BCAS3: variants seen among roughly 807,000 people sequenced by gnomAD.
BCAS3 encodes the protein BCAS4/BCAS3 fusion.
Under a neutral mutation model 116.1 loss-of-function variants are expected in BCAS3, and 53 were observed. That is an observed-to-expected ratio of 0.46 (90% CI 0.37 to 0.57). The LOEUF (loss-of-function observed/expected upper bound fraction) is 0.57. Among genes scored for constraint, BCAS3 ranks in the 20% least tolerant of loss-of-function variants. The pLI is 0.00. For synonymous variants in BCAS3, 391 were observed against 408.2 expected, an observed-to-expected ratio of 0.96 and a Z score of 0.51; for missense variants, 917 against 1,165.4, an observed-to-expected ratio of 0.79 and a Z score of 3.10.
At chr17:60,754,724 CACACACACACACACACAG>C (rs1373396732) in intron 6 of BCAS3, among the ~76,000 whole-genome samples, 1 of 11,520 alleles carries the variant, frequency 8.7e-5, no homozygotes, top group African/African-American at 9.9e-5. Context: ...CACACACACA[CACACACACACACACACAG>C]AGTCTGTTCA....
At position 61,285,259 on chromosome 17, in the gene BCAS3, T is replaced by TGTGTGTGTGTGTGTGTGTGTGTG. The variant is rs1555807771; in HGVS notation, c.2426-83068_2426-83067insGTGTGTGTGTGTGTGTGTGTGTG. 3.9e-5 allele frequency among the ~76,000 whole-genome samples: 5 copies of TGTGTGTGTGTGTGTGTGTGTGTG among 129,000 alleles called. No individual in the cohort carries two copies. Among genetic ancestry groups the TGTGTGTGTGTGTGTGTGTGTGTG allele is most frequent in the African/African-American group, 1.7e-4 (5 of 28,780 alleles). 84.6% of individuals were successfully genotyped at this position (129,000 alleles called of 152,430 possible). A position where few individuals can be genotyped will look rare whatever the true frequency, so the allele number is the denominator to read the frequency against. ...TGTGTGTGTGTGTGTGTGTGTGTGT[T>TGTGTGTGTGTGTGTGTGTGTGTG]TCTTGCTAAAATGCAGCAAAGGAAG... On this transcript the variant is annotated intron_variant, in intron 22 of 23. Coordinates refer to ENST00000407086, the MANE Select transcript of BCAS3 (RefSeq NM_017679.5). This position sits in a 1 kb window ranked among gnomAD's most constrained non-coding sequence, Gnocchi z 5.4.
rs368207698 is a variant in BCAS3 at position 61,380,541 on chromosome 17, C to G, written c.2594-11436C>G. ...TGACGTAGCAGTAAAAACCTTCCCC[C>G]CTGAGAGACACGTGGCAGTGAAGTG... On this transcript the variant is annotated intron_variant, in intron 23 of 23. Coordinates refer to ENST00000407086, the MANE Select transcript of BCAS3 (RefSeq NM_017679.5). The surrounding 1 kb of genome is among the most constrained non-coding windows in gnomAD (Gnocchi z 4.2). 17 of 1,598,282 alleles carry G rather than the reference C, an allele frequency of 1.1e-5. No individual in the cohort carries two copies. The South Asian group carries it at 1.2e-4, about 11-fold the overall frequency.
chr17:61,284,091 G>A lies in BCAS3; in HGVS notation c.2426-84236G>A, dbSNP rs147614547. ...AAGGATTGTAAATGCACCAATCAGC[G>A]TTCTGTGTCTAGCTAAAGGTTTGTA... On this transcript the variant is annotated intron_variant, in intron 22 of 23. Transcript: ENST00000407086. 5.6e-3 allele frequency among the ~76,000 whole-genome samples: 852 copies of A among 152,186 alleles called. 4 individuals are homozygous for A. The highest frequency in any genetic ancestry group is 5.3e-3 in the Non-Finnish European group (362 of 68,016).
At chr17:60,782,561 G>GTTGTTATTA (rs1555712757) in intron 6 of BCAS3, among the ~76,000 whole-genome samples, 2 of 142,462 alleles carry the variant, frequency 1.4e-5, no homozygotes, top group African/African-American at 5.2e-5. Context: ...GTCTTTATAA[G>GTTGTTATTA]TTATTATTAT....
At chr17:60,740,180 T>C (rs772006362) in intron 5 of BCAS3, among the ~76,000 whole-genome samples, 38 of 152,200 alleles carry the variant, frequency 2.5e-4, no homozygotes, top group Non-Finnish European at 4.6e-4. Context: ...CCTTTTAGTA[T>C]GCTTTCTAAT....
In BCAS3 at chr17:61,281,536, A is replaced by G. The variant is rs1449982441; in HGVS notation, c.2426-86791A>G. Among the ~76,000 whole-genome samples the G allele has an allele frequency of 8.5e-5, 13 of 152,148 alleles. No individual in the cohort carries two copies. The highest frequency in any genetic ancestry group is 6.5e-5 in the Admixed American group (1 of 15,278). ...TTTTGGTCTCTGCAAATCAGATTCA[A>G]TGTGTCATTTTATTGTAATTTAAAT... On this transcript the variant is annotated intron_variant, in intron 22 of 23. Coordinates refer to ENST00000407086, the MANE Select transcript of BCAS3 (RefSeq NM_017679.5). The surrounding 1 kb of genome is among the most constrained non-coding windows in gnomAD (Gnocchi z 4.2).
Position 61,337,638 on chromosome 17 carries a change from T to C in BCAS3, c.2426-30689T>C, listed in dbSNP as rs187257984. ...AGAAAATTACAGTTTCTAGTACACC[T>C]AAACTGAATGTTGGTGGGATTGTTT... On this transcript the variant is annotated intron_variant, in intron 22 of 23. Transcript: ENST00000407086. The surrounding 1 kb of genome is among the most constrained non-coding windows in gnomAD (Gnocchi z 4.8). Among the ~76,000 whole-genome samples the C allele has an allele frequency of 4.9e-4, 75 of 152,354 alleles. No homozygotes were observed. Among genetic ancestry groups the C allele is most frequent in the African/African-American group, 1.7e-3 (71 of 41,588 alleles).
At chr17:60,881,276 G>T (rs1394858696) in intron 9 of BCAS3, among the ~76,000 whole-genome samples, 2 of 152,016 alleles carry the variant, frequency 1.3e-5, no homozygotes, top group Admixed American at 6.6e-5. Flanking sequence ...ACCTGGCCTG[G>T]TCTTTTCACT....
intron 22 of BCAS3, among the ~76,000 whole-genome samples, chr17:61,160,023 C>G: frequency 6.7e-6 from 1 of 148,918 alleles, no homozygotes; most frequent in African/African-American, 2.5e-5. Context: ...GACAGTCTCG[C>G]TGGTATCTTT....
chr17:61,254,537 G>A (rs994871950), intron 22 of BCAS3, among the ~76,000 whole-genome samples: 11 of 151,914 alleles, frequency 7.2e-5, no homozygotes, highest in Non-Finnish European at 1.5e-5. Flanking sequence ...CTGGCACTTT[G>A]GGAGGCCGTG....
intron 6 of BCAS3, among the ~76,000 whole-genome samples, chr17:60,783,615 G>A (rs1233653575): frequency 2.6e-5 from 4 of 152,156 alleles, no homozygotes; most frequent in African/African-American, 9.7e-5. Context: ...CTGCCCTGAT[G>A]AAAATAAATT....
chr17:61,252,580 TAAAAAA>T (rs35399806), intron 22 of BCAS3, among the ~76,000 whole-genome samples: 1 of 145,488 alleles, frequency 6.9e-6, no homozygotes. Flanking sequence ...GTGAAGGACT[TAAAAAA>T]AAAAAAAGCC....
chr17:61,372,308 T>A (rs1005347476), intron 23 of BCAS3, among the ~76,000 whole-genome samples: 1 of 152,224 alleles, frequency 6.6e-6, no homozygotes, highest in African/African-American at 2.4e-5. Flanking sequence ...AGCCTCTGGC[T>A]ACTTCTCAGT....
chr17:61,184,640 A>C (rs918172181), intron 22 of BCAS3, among the ~76,000 whole-genome samples: 6 of 152,142 alleles, frequency 3.9e-5, no homozygotes, highest in Non-Finnish European at 8.8e-5. Flanking sequence ...CAGTGTTTAT[A>C]AAAAAAGATT....
intron 22 of BCAS3, among the ~76,000 whole-genome samples, chr17:61,165,775 A>G (rs1236800894): frequency 3.9e-5 from 6 of 152,180 alleles, no homozygotes; most frequent in Admixed American, 2.0e-4. Flanking sequence ...TTCAAAAGTT[A>G]TTCTCTATTT....
intron 10 of BCAS3, among the ~76,000 whole-genome samples, chr17:60,902,031 G>C (rs1483614111): frequency 1.3e-5 from 2 of 152,200 alleles, no homozygotes; most frequent in Non-Finnish European, 2.9e-5. Context: ...ATTTATGTCA[G>C]TCACAAATAA....
rs948895852 is a variant in BCAS3 at position 61,352,795 on chromosome 17, A to G, written c.2426-15532A>G. Among the ~76,000 whole-genome samples the G allele has an allele frequency of 3.3e-5, 5 of 152,244 alleles. No individual in the cohort carries two copies. The highest frequency in any genetic ancestry group is 4.4e-5 in the Non-Finnish European group (3 of 68,042). ...TCTAGGCAGTAAGGCCTGTAAGAGA[A>G]AAGGGCAGAGATGGACCCAAGTCTT... is the stretch of plus-strand genomic sequence containing the variant. On this transcript the variant is annotated intron_variant, in intron 22 of 23. Coordinates refer to ENST00000407086, the MANE Select transcript of BCAS3 (RefSeq NM_017679.5). The surrounding 1 kb of genome is among the most constrained non-coding windows in gnomAD (Gnocchi z 4.7).
intron 19 of BCAS3, among the ~76,000 whole-genome samples, chr17:61,058,304 A>G (rs9303436): frequency 1 from 151,983 of 152,304 alleles, 75,831 homozygotes; most frequent in East Asian, 1. Context: ...CAGAAACACC[A>G]TATTGCCTTC....
chr17:60,681,077 C>T (rs1037934873), intron 2 of BCAS3, among the ~76,000 whole-genome samples: 6 of 152,216 alleles, frequency 3.9e-5, no homozygotes, highest in Admixed American at 2.0e-4. Flanking sequence ...TTGTGGCAGG[C>T]GCCTGGAGCC....
Sources: allele counts gnomAD v4.1 joint callset (sites outside exome capture counted in the v4.1 genomes callset), GRCh38; gene constraint gnomAD v4.1.1; non-coding constraint Gnocchi (gnomAD v3.1); transcripts MANE v1.5; gene names NCBI Gene and HGNC (gene_info 2026-07-23, HGNC 2026-07-21).